The following PHF14 variants were observed in gnomAD, a reference collection of about 807,000 sequenced individuals.
PHF14 encodes the protein PHD finger protein 14.
PHF14 carries 55 observed loss-of-function variants against 117.9 expected under a neutral mutation model. The ratio of observed to expected loss-of-function variants is 0.47; its 90% confidence interval spans 0.38 to 0.58. PHF14 has a LOEUF of 0.58. Among genes scored for constraint, PHF14 ranks in the 20% least tolerant of loss-of-function variants. The probability of loss-of-function intolerance (pLI) is 0.00; values close to 1 mark genes in which losing one functional copy is unlikely to be tolerated. For missense variants in PHF14, 978 were observed against 1,122.2 expected, an observed-to-expected ratio of 0.87 and a Z score of 1.84; for synonymous variants, 409 against 368.6, an observed-to-expected ratio of 1.11 and a Z score of -1.26.
At chr7:10,997,112 C>G (rs1782680813) in intron 4 of PHF14, among the ~76,000 whole-genome samples, 1 of 152,184 alleles carries the variant, frequency 6.6e-6, no homozygotes, top group African/African-American at 2.4e-5. Flanking sequence ...CCCTTTCTGT[C>G]TGTATTTAAT....
chr7:11,150,034 G>T (rs992886245), intron 17 of PHF14, among the ~76,000 whole-genome samples: 3 of 152,080 alleles, frequency 2.0e-5, no homozygotes, highest in African/African-American at 7.2e-5. Flanking sequence ...GTATAACATG[G>T]ATAAATATAT....
rs149259618 is a variant in PHF14, at chr7:10,995,059, C to G, written c.1045+4212C>G. ...GTGTGTTTACAATCCCTGAGATAGA[C>G]ACAAAAGTTCTCCAAGTCCGCACAG... On this transcript the variant is annotated intron_variant, in intron 4 of 17. Coordinates refer to ENST00000634607, the MANE Select transcript of PHF14 (RefSeq NM_001007157.2). Among the ~76,000 whole-genome samples the G allele has an allele frequency of 8.9e-4, 135 of 152,280 alleles. 2 individuals are homozygous for G. In the East Asian group the frequency reaches 0.024, roughly 27 times the overall value.
intron 16 of PHF14, among the ~76,000 whole-genome samples, chr7:11,078,084 T>C (rs540903018): frequency 6.6e-5 from 10 of 152,308 alleles, no homozygotes; most frequent in Non-Finnish European, 1.3e-4. Flanking sequence ...ATAGAAATGC[T>C]TTCACATTTT....
At chr7:11,019,483 C>T (rs1783652493) in intron 5 of PHF14, among the ~76,000 whole-genome samples, 1 of 152,116 alleles carries the variant, frequency 6.6e-6, no homozygotes, top group South Asian at 2.1e-4. Flanking sequence ...TTGTATGTGT[C>T]TAGGAGTTCA....
intron 16 of PHF14, chr7:11,063,728 A>C: frequency 1.2e-6 from 1 of 869,034 alleles, no homozygotes; most frequent in Non-Finnish European, 1.4e-6. Flanking sequence ...TTATTTTAAA[A>C]ATCAGTTTAT....
In PHF14 at chr7:11,039,197, T is replaced by A. The variant is rs192666945; in HGVS notation, c.2076+342T>A. ...TTCCTTTAATTTAGCAGTTTTAGATTCCCTGCCACATTTTTTTCTTTCCTG... is the reference window on the plus strand; with the variant it reads ...TTCCTTTAATTTAGCAGTTTTAGATACCCTGCCACATTTTTTTCTTTCCTG... On this transcript the variant is annotated intron_variant, in intron 11 of 17. Transcript: ENST00000634607. Among the ~76,000 whole-genome samples the A allele has an allele frequency of 5.4e-4, 82 of 152,252 alleles. 1 individual carries two copies. The highest frequency in any genetic ancestry group is 4.8e-3 in the Admixed American group (73 of 15,276).
intron 17 of PHF14, among the ~76,000 whole-genome samples, chr7:11,139,004 T>G (rs1276273798): frequency 1.3e-5 from 2 of 152,212 alleles, no homozygotes; most frequent in East Asian, 1.9e-4. Flanking sequence ...TAATACAAGC[T>G]AAGGCTGTGG....
intron 17 of PHF14, among the ~76,000 whole-genome samples, chr7:11,157,236 A>C (rs1345553835): frequency 2.6e-5 from 4 of 152,190 alleles, no homozygotes; most frequent in Non-Finnish European, 5.9e-5. Context: ...AGGGAGGAAG[A>C]AAGGAAGGAT....
At chr7:11,084,990 TG>T (rs1786329704) in intron 16 of PHF14, among the ~76,000 whole-genome samples, 1 of 152,174 alleles carries the variant, frequency 6.6e-6, no homozygotes, top group South Asian at 2.1e-4. Context: ...TTAAGGTTGT[TG>T]GGTTTTTTGT....
chr7:11,032,832 G>A (rs893816176), intron 7 of PHF14, among the ~76,000 whole-genome samples: 1 of 152,200 alleles, frequency 6.6e-6, no homozygotes, highest in African/African-American at 2.4e-5. Flanking sequence ...GTCAGAATTT[G>A]CAGAGTTGGG....
chr7:11,163,991 A>C (rs1219568124), intron 17 of PHF14, among the ~76,000 whole-genome samples: 2 of 152,198 alleles, frequency 1.3e-5, no homozygotes, highest in Non-Finnish European at 2.9e-5. Context: ...CTTTTAAAAG[A>C]AACATTATTA....
chr7:11,032,427 C>T (rs768847345), intron 7 of PHF14, among the ~76,000 whole-genome samples: 10 of 151,572 alleles, frequency 6.6e-5, no homozygotes, highest in African/African-American at 1.5e-4. Flanking sequence ...TGTACAAGAC[C>T]GAAGTTGTGT....
intron 13 of PHF14, among the ~76,000 whole-genome samples, chr7:11,047,956 G>T (rs1283435264): frequency 8.2e-6 from 1 of 121,866 alleles, no homozygotes; most frequent in Non-Finnish European, 1.7e-5. Context: ...GGAGGGAGGG[G>T]GAGGGAGGAA....
chr7:10,998,127 G>A (rs937190051), intron 4 of PHF14, among the ~76,000 whole-genome samples: 2 of 152,128 alleles, frequency 1.3e-5, no homozygotes, highest in African/African-American at 4.8e-5. Flanking sequence ...GGTTTTGAGT[G>A]CAAGATTAGA....
chr7:11,081,129 A>G (rs1009392188), intron 16 of PHF14, among the ~76,000 whole-genome samples: 8 of 152,204 alleles, frequency 5.3e-5, no homozygotes, highest in Non-Finnish European at 1.2e-4. Context: ...ATGAAACTAT[A>G]AAAGAAGTAC....
intron 4 of PHF14, among the ~76,000 whole-genome samples, chr7:11,007,125 G>A (rs528035030): frequency 3.7e-4 from 57 of 152,010 alleles, no homozygotes; most frequent in African/African-American, 1.1e-3. Context: ...CCCAGGAGGC[G>A]GAGATTGCAG....
chr7:11,136,593 A>G (rs984932042), intron 17 of PHF14, among the ~76,000 whole-genome samples: 4 of 152,172 alleles, frequency 2.6e-5, no homozygotes, highest in Non-Finnish European at 5.9e-5. Context: ...GTCTTTTGCC[A>G]TGTTCTATTC....
chr7:11,111,371 C>T lies in PHF14; in HGVS notation c.2676C>T (p.Cys892=), dbSNP rs1352208724. 2.1e-5 allele frequency: 34 copies of T among 1,600,130 alleles called. No homozygotes were observed. The highest frequency in any genetic ancestry group is 2.8e-5 in the Non-Finnish European group (33 of 1,169,690). ...NLVRCDECRL[C]YHFGCLDPPL... is the part of the protein sequence containing the mutation. ...GCAGGTGTGATGAATGCAGACTCTG[C>T]TACCATTTTGGCTGTTTGGATCCTC... is the stretch of plus-strand genomic sequence containing the variant. The change falls in exon 17 of 18, where the codon TGC becomes TGT. Residue 892 remains cysteine, a synonymous_variant. Transcript: ENST00000634607.
chr7:11,025,544 A>C (rs1301159834), intron 6 of PHF14, among the ~76,000 whole-genome samples: 1 of 152,146 alleles, frequency 6.6e-6, no homozygotes, highest in Non-Finnish European at 1.5e-5. Flanking sequence ...CTGTAATCCC[A>C]GCACTTTGGG....
Sources: allele counts gnomAD v4.1 joint callset (sites outside exome capture counted in the v4.1 genomes callset), GRCh38; gene constraint gnomAD v4.1.1; transcripts MANE v1.5; gene names NCBI Gene and HGNC (gene_info 2026-07-23, HGNC 2026-07-21).